The following SPSB1 variants were observed in gnomAD, a reference collection of about 807,000 sequenced individuals.
SPSB1 encodes SPRY domain-containing SOCS box protein 1.
A neutral mutation model predicts 21.2 loss-of-function variants in SPSB1; 8 were observed. The ratio of observed to expected loss-of-function variants is 0.38; its 90% CI spans 0.22 to 0.68. The LOEUF is 0.68. Ranked by LOEUF, SPSB1 falls within the 30% of genes least tolerant of loss-of-function variation. The pLI is 0.53. For synonymous variants in SPSB1, 169 were observed against 161.7 expected, an observed-to-expected ratio of 1.05 and a Z score of -0.34; for missense variants, 242 against 377.8, an observed-to-expected ratio of 0.64 and a Z score of 2.98.
rs892782329 is a variant in SPSB1, at chr1:9,305,842, G to A, written c.-150+12771G>A. 3.9e-5 allele frequency among the ~76,000 whole-genome samples: 6 copies of A among 152,196 alleles called. No homozygotes were observed. Among genetic ancestry groups the A allele is most frequent in the Non-Finnish European group, 8.8e-5 (6 of 68,034 alleles). Reference sequence around the variant, plus strand: ...TCTGTCTAGTGGGTGAGACAGGCCCGTCTCTGCTGATGATAGCGCTCAGGG... The same window carrying A: ...TCTGTCTAGTGGGTGAGACAGGCCCATCTCTGCTGATGATAGCGCTCAGGG... On this transcript the variant is annotated intron_variant, in intron 1 of 2. Coordinates refer to ENST00000328089, the MANE Select transcript of SPSB1 (RefSeq NM_025106.4). The surrounding 1 kb of genome is among the most constrained non-coding windows in gnomAD (Gnocchi z 4.8).
intron 1 of SPSB1, among the ~76,000 whole-genome samples, chr1:9,350,854 C>T (rs1025706253): frequency 6.6e-6 from 1 of 152,220 alleles, no homozygotes; most frequent in Non-Finnish European, 1.5e-5. Flanking sequence ...CTCAGAGCAG[C>T]AGTAAGTGGG....
intron 1 of SPSB1, among the ~76,000 whole-genome samples, chr1:9,331,758 T>C (rs929667859): frequency 2.0e-5 from 3 of 152,174 alleles, no homozygotes; most frequent in Non-Finnish European, 4.4e-5. Flanking sequence ...TTCCTGTGTG[T>C]AGACAGGAGG....
intron 1 of SPSB1, among the ~76,000 whole-genome samples, chr1:9,318,587 C>A (rs1639651501): frequency 6.6e-6 from 1 of 152,252 alleles, no homozygotes; most frequent in African/African-American, 2.4e-5. Flanking sequence ...GCCTTGGTTT[C>A]CACATCTGTA....
chr1:9,304,793 C>T lies in SPSB1; in HGVS notation c.-150+11722C>T, dbSNP rs2018374. ...CGCTCAAGCAATCCTCCCACCTCAG[C>T]CCCCCAGTAGCTGGGACTATCGGTG... On this transcript the variant is annotated intron_variant, in intron 1 of 2. Coordinates refer to ENST00000328089, the MANE Select transcript of SPSB1 (RefSeq NM_025106.4). Among the ~76,000 whole-genome samples, 238 of 152,170 alleles carry T rather than the reference C, an allele frequency of 1.6e-3. 1 individual carries two copies. Among genetic ancestry groups the T allele is most frequent in the African/African-American group, 5.5e-3 (227 of 41,500 alleles).
At position 9,316,157 on chromosome 1, in the gene SPSB1, C is replaced by G. The variant is rs1301676923; in HGVS notation, c.-150+23086C>G. Among the ~76,000 whole-genome samples, 3 of 152,154 alleles carry G rather than the reference C, an allele frequency of 2.0e-5. No individual in the cohort carries two copies. The East Asian group carries it at 5.8e-4, about 29-fold the overall frequency. On this transcript the variant is annotated intron_variant, in intron 1 of 2. Transcript: ENST00000328089. ...CTGACTCAGCCTTGCCCTGGGCTGG[C>G]AGGGGGTGGGGACCTGGGTGAAGAG...
At chr1:9,316,093 G>A (rs935446288) in intron 1 of SPSB1, among the ~76,000 whole-genome samples, 1 of 152,186 alleles carries the variant, frequency 6.6e-6, no homozygotes, top group Non-Finnish European at 1.5e-5. Flanking sequence ...AGTGGTCTCC[G>A]GGTCCTGCTG....
At chr1:9,328,022 T>C (rs899664923) in intron 1 of SPSB1, among the ~76,000 whole-genome samples, 1 of 152,222 alleles carries the variant, frequency 6.6e-6, no homozygotes, top group African/African-American at 2.4e-5. Flanking sequence ...ACACTTACGC[T>C]TTGGGAGGAT....
At chr1:9,301,840 T>C (rs1163050931) in intron 1 of SPSB1, among the ~76,000 whole-genome samples, 1 of 152,226 alleles carries the variant, frequency 6.6e-6, no homozygotes, top group Non-Finnish European at 1.5e-5. Flanking sequence ...GGATGATCAC[T>C]GCACCTGGTG....
At chr1:9,294,729 T>TG (rs796243179) in intron 1 of SPSB1, 91 of 152,264 alleles carry the variant, frequency 6.0e-4, no homozygotes, top group African/African-American at 2.1e-3. Flanking sequence ...ATTTTCTCGT[T>TG]GGGGGGGCTG....
At chr1:9,341,144 C>T (rs1264158776) in intron 1 of SPSB1, among the ~76,000 whole-genome samples, 1 of 152,202 alleles carries the variant, frequency 6.6e-6, no homozygotes, top group Admixed American at 6.5e-5. Flanking sequence ...ATGGAATAGG[C>T]ACACCCCAGA....
rs1464911529 is a variant in SPSB1, at chr1:9,292,903, T to G, written c.-318T>G. 2.0e-5 allele frequency: 20 copies of G among 981,082 alleles called. No homozygotes were observed. The East Asian group carries it at 1.8e-3, about 89-fold the overall frequency. 60.8% of individuals were successfully genotyped at this position (981,082 alleles called of 1,614,324 possible). A position where few individuals can be genotyped will look rare whatever the true frequency, so the allele number is the denominator to read the frequency against. ...TTGCTTTTTCTCCTCCGCACAGAAG[T>G]CGCGCTCGGGCAGCCTGCGCGCTCG... On this transcript the variant is annotated 5_prime_UTR_variant, in exon 1 of 3. Coordinates refer to ENST00000328089, the MANE Select transcript of SPSB1 (RefSeq NM_025106.4).
rs749788207 is a variant in SPSB1, at chr1:9,327,174, C to T, written c.-149-28569C>T. On this transcript the variant is annotated intron_variant, in intron 1 of 2. Coordinates refer to ENST00000328089, the MANE Select transcript of SPSB1 (RefSeq NM_025106.4). ...GTCCCAGGATGGCCCTCTAAGCCCACGGCCTCCACAGTGGCCACTCATACG... is the reference window on the plus strand; with the variant it reads ...GTCCCAGGATGGCCCTCTAAGCCCATGGCCTCCACAGTGGCCACTCATACG... Among the ~76,000 whole-genome samples, 61 of 152,188 alleles carry T rather than the reference C, an allele frequency of 4.0e-4. 1 individual carries two copies. Among genetic ancestry groups the T allele is most frequent in the Non-Finnish European group, 1.6e-4 (11 of 68,034 alleles).
chr1:9,334,601 C>G (rs1159514431), intron 1 of SPSB1, among the ~76,000 whole-genome samples: 2 of 152,164 alleles, frequency 1.3e-5, no homozygotes, highest in African/African-American at 4.8e-5. Flanking sequence ...TCACCGTTGT[C>G]CATCTCCAGA....
rs867809992 is a variant in SPSB1, at chr1:9,293,892, C to G, written c.-150+821C>G. On this transcript the variant is annotated intron_variant, in intron 1 of 2. Transcript: ENST00000328089. This position sits in a 1 kb window ranked among gnomAD's most constrained non-coding sequence, Gnocchi z 5.1. ...TGTGCATGTCCTTGTGAATATGTGCCTGCGTATGAGTGTGTCTGTGTGTTC... is the reference window on the plus strand; with the variant it reads ...TGTGCATGTCCTTGTGAATATGTGCGTGCGTATGAGTGTGTCTGTGTGTTC... Among the ~76,000 whole-genome samples, 1 of 151,914 alleles carries G rather than the reference C, an allele frequency of 6.6e-6. No homozygotes were observed.
chr1:9,313,244 C>A (rs1013779265), intron 1 of SPSB1, among the ~76,000 whole-genome samples: 1 of 151,896 alleles, frequency 6.6e-6, no homozygotes, highest in Admixed American at 6.6e-5. Flanking sequence ...TAAAAAAATA[C>A]AAAAAAGTAG....
intron 1 of SPSB1, among the ~76,000 whole-genome samples, chr1:9,312,585 T>G (rs77685128): frequency 0.011 from 1,708 of 152,268 alleles, 32 homozygotes; most frequent in African/African-American, 0.039. Context: ...GAGGGCCGCA[T>G]TCTCCCAAGT....
chr1:9,355,185 C>T (rs968190918), intron 1 of SPSB1, among the ~76,000 whole-genome samples: 2 of 152,218 alleles, frequency 1.3e-5, no homozygotes, highest in African/African-American at 2.4e-5. Flanking sequence ...TTGAGCTGTC[C>T]AGCTGCACCA....
rs1640618614 is a variant in SPSB1 at position 9,368,807 on chromosome 1, A to T, written c.*1232A>T. 1 of 152,208 alleles carries T rather than the reference A, an allele frequency of 6.6e-6. No homozygotes were observed. The highest frequency in any genetic ancestry group is 6.5e-5 in the Admixed American group (1 of 15,270). 9.4% of individuals were successfully genotyped at this position (152,208 alleles called of 1,614,324 possible). A position where few individuals can be genotyped will look rare whatever the true frequency, so the allele number is the denominator to read the frequency against. ...GCACCCCAGCCGGGGCTCTGGACCC[A>T]GGGTAACAGCCCCAGTTCATCCCAA... On this transcript the variant is annotated 3_prime_UTR_variant, in exon 3 of 3. Transcript: ENST00000328089.
At chr1:9,325,216 C>T in intron 1 of SPSB1, among the ~76,000 whole-genome samples, 1 of 26,128 alleles carries the variant, frequency 3.8e-5, no homozygotes, top group African/African-American at 5.4e-5. Flanking sequence ...GCCAATGCCT[C>T]CCACCACCAC....
Sources: gnomAD v4.1 joint callset for allele counts (sites outside exome capture counted in the v4.1 genomes callset) on GRCh38, gnomAD v4.1.1 for gene constraint, Gnocchi (gnomAD v3.1) non-coding constraint, MANE v1.5 for transcripts, NCBI Gene and HGNC (gene_info 2026-07-23, HGNC 2026-07-21) for gene names.